Variants in PALM2AKAP2 observed in about 807,000 individuals in gnomAD.
The protein encoded by PALM2AKAP2 is PALM2 and AKAP2 fusion.
Under a neutral mutation model 71.5 loss-of-function variants are expected in PALM2AKAP2, and 37 were observed. That is an observed-to-expected ratio of 0.52 (90% CI 0.40 to 0.68). The LOEUF (loss-of-function observed/expected upper bound fraction) is 0.68. PALM2AKAP2 is among the 30% of genes least tolerant of loss of function. The pLI is 0.00. For missense variants in PALM2AKAP2, 1,224 were observed against 1,191.8 expected (o/e 1.03, Z -0.40); for synonymous variants, 468 against 478.8 (o/e 0.98, Z 0.29).
intron 1 of PALM2AKAP2, chr9:109,867,200 G>GTC: frequency 1.2e-5 from 5 of 402,254 alleles, no homozygotes; most frequent in Non-Finnish European, 2.4e-5. Context: ...GTGTGTGTGT[G>GTC]TGTGTCTGTG....
intron 1 of PALM2AKAP2, among the ~76,000 whole-genome samples, chr9:109,812,686 CCA>C (rs1477416386): frequency 5.9e-5 from 9 of 152,218 alleles, no homozygotes; most frequent in Admixed American, 5.9e-4. Context: ...CAAATGGAAA[CCA>C]CAGGTCCTTC....
intron 2 of PALM2AKAP2, among the ~76,000 whole-genome samples, chr9:110,145,164 G>A (rs1305910520): frequency 6.6e-6 from 1 of 152,070 alleles, no homozygotes; most frequent in Non-Finnish European, 1.5e-5. Context: ...TTTTGCGGTG[G>A]CCTGGGTGTA....
chr9:109,700,438 C>A (rs112839482), intron 1 of PALM2AKAP2, among the ~76,000 whole-genome samples: 7 of 152,132 alleles, frequency 4.6e-5, no homozygotes, highest in Admixed American at 4.6e-4. Flanking sequence ...ACTGTGAGTC[C>A]GTTAAACATC....
chr9:109,972,337 G>A (rs1187361712), intron 6 of PALM2AKAP2, among the ~76,000 whole-genome samples: 1 of 152,210 alleles, frequency 6.6e-6, no homozygotes, highest in South Asian at 2.1e-4. Context: ...GTTGTCTTGA[G>A]TATTCTTTGG....
chr9:109,662,945 T>C (rs552348187), intron 1 of PALM2AKAP2, among the ~76,000 whole-genome samples: 2 of 152,330 alleles, frequency 1.3e-5, no homozygotes, highest in Admixed American at 1.3e-4. Context: ...ATTTTCAAGT[T>C]TATTTGCGTA....
At chr9:110,008,013 G>A (rs1832816045) in intron 6 of PALM2AKAP2, among the ~76,000 whole-genome samples, 1 of 152,162 alleles carries the variant, frequency 6.6e-6, no homozygotes, top group Non-Finnish European at 1.5e-5. Context: ...TCTGGAATGG[G>A]GGCCTTATGA....
chr9:109,651,196 T>C (rs950708335), intron 1 of PALM2AKAP2, among the ~76,000 whole-genome samples: 5 of 152,142 alleles, frequency 3.3e-5, no homozygotes, highest in Non-Finnish European at 7.4e-5. Context: ...AGGAGAACCA[T>C]GGATGAGAGA....
At chr9:109,675,066 T>C (rs1827630101) in intron 1 of PALM2AKAP2, among the ~76,000 whole-genome samples, 1 of 152,112 alleles carries the variant, frequency 6.6e-6, no homozygotes, top group East Asian at 1.9e-4. Context: ...CTAATGTAAG[T>C]ATTCTGAGCA....
At chr9:109,743,223 G>A (rs1828743067) in intron 1 of PALM2AKAP2, among the ~76,000 whole-genome samples, 1 of 152,142 alleles carries the variant, frequency 6.6e-6, no homozygotes, top group Non-Finnish European at 1.5e-5. Flanking sequence ...AAGCTTAACT[G>A]CATCCTGGGA....
intron 1 of PALM2AKAP2, among the ~76,000 whole-genome samples, chr9:109,743,718 G>A (rs1828754495): frequency 6.6e-6 from 1 of 152,164 alleles, no homozygotes; most frequent in South Asian, 2.1e-4. Flanking sequence ...TTTCTACCTT[G>A]CATTATGGTT....
chr9:109,862,738 G>A (rs73655598), intron 1 of PALM2AKAP2, among the ~76,000 whole-genome samples: 2,020 of 152,304 alleles, frequency 0.013, 43 homozygotes, highest in African/African-American at 0.047. Flanking sequence ...AAGAAGACTA[G>A]GCAGATCAAA....
At chr9:110,059,101 T>C (rs969922824) in intron 1 of PALM2AKAP2, among the ~76,000 whole-genome samples, 1 of 152,150 alleles carries the variant, frequency 6.6e-6, no homozygotes, top group Admixed American at 6.6e-5. Flanking sequence ...GGTTTCACCA[T>C]GTTTGCCAGG....
At chr9:109,702,857 C>T (rs1828084878) in intron 1 of PALM2AKAP2, among the ~76,000 whole-genome samples, 1 of 149,378 alleles carries the variant, frequency 6.7e-6, no homozygotes, top group African/African-American at 2.5e-5. Flanking sequence ...CTCACTTGGT[C>T]GCCTAGGCTG....
At chr9:109,865,645 A>G (rs1829429626) in intron 1 of PALM2AKAP2, among the ~76,000 whole-genome samples, 1 of 152,224 alleles carries the variant, frequency 6.6e-6, no homozygotes, top group African/African-American at 2.4e-5. Flanking sequence ...TTTGGAAATG[A>G]CAAGACATGT....
intron 2 of PALM2AKAP2, among the ~76,000 whole-genome samples, chr9:109,873,735 G>A (rs886928397): frequency 1.3e-5 from 2 of 152,118 alleles, no homozygotes; most frequent in Non-Finnish European, 2.9e-5. Context: ...ACAAACATCT[G>A]ACCAGGAAAC....
chr9:109,899,425 G>A (rs1830279963), intron 3 of PALM2AKAP2, among the ~76,000 whole-genome samples: 1 of 152,010 alleles, frequency 6.6e-6, no homozygotes, highest in African/African-American at 2.4e-5. Flanking sequence ...TCTTTCATGG[G>A]GATTGATGCA....
intron 1 of PALM2AKAP2, among the ~76,000 whole-genome samples, chr9:109,842,020 G>C (rs1178662607): frequency 6.6e-6 from 1 of 151,730 alleles, no homozygotes. Flanking sequence ...GAGGCCTGGA[G>C]CTGGTGTTAG....
chr9:109,865,876 A>G (rs1829436204), intron 1 of PALM2AKAP2, among the ~76,000 whole-genome samples: 1 of 152,194 alleles, frequency 6.6e-6, no homozygotes, highest in African/African-American at 2.4e-5. Context: ...ATCATGTGCC[A>G]TCTCTGAGAT....
chr9:109,757,052 C>A (rs1333472554), intron 1 of PALM2AKAP2, among the ~76,000 whole-genome samples: 1 of 152,044 alleles, frequency 6.6e-6, no homozygotes, highest in Non-Finnish European at 1.5e-5. Context: ...TGCTATTGAA[C>A]ATAACGTGTT....
Sources: allele counts gnomAD v4.1 joint callset (sites outside exome capture counted in the v4.1 genomes callset), GRCh38; gene constraint gnomAD v4.1.1; transcripts MANE v1.5; gene names NCBI Gene and HGNC (gene_info 2026-07-23, HGNC 2026-07-21).